The following CPXM2 variants were observed in gnomAD, a reference collection of about 807,000 sequenced individuals.
CPXM2 encodes inactive carboxypeptidase-like protein X2.
Under a neutral mutation model 86.1 loss-of-function variants are expected in CPXM2, and 66 were observed. The ratio of observed to expected loss-of-function variants is 0.77; its 90% confidence interval spans 0.63 to 0.94. The LOEUF is 0.94. Ranked by LOEUF, CPXM2 falls within the 40% of genes least tolerant of loss-of-function variation. The pLI, the probability that CPXM2 is intolerant of heterozygous loss-of-function variation, is 0.00. For synonymous variants in CPXM2, 388 were observed against 400.2 expected (o/e 0.97, Z 0.36); for missense variants, 948 against 1,026.3 (o/e 0.92, Z 1.04).
chr10:123,866,442 G>A (rs1848982954), intron 2 of CPXM2, among the ~76,000 whole-genome samples: 1 of 152,106 alleles, frequency 6.6e-6, no homozygotes, highest in Non-Finnish European at 1.5e-5. Flanking sequence ...GGTACACGCT[G>A]TAATCCCAGC....
At chr10:123,934,876 T>TC (rs1945700739) in intron 2 of CPXM2, among the ~76,000 whole-genome samples, 1 of 152,082 alleles carries the variant, frequency 6.6e-6, no homozygotes, top group African/African-American at 2.4e-5. Flanking sequence ...CGTTTCAAGT[T>TC]CCCCTTGATA....
chr10:123,811,842 C>T (rs1285069877), intron 4 of CPXM2, among the ~76,000 whole-genome samples: 1 of 152,130 alleles, frequency 6.6e-6, no homozygotes, highest in Non-Finnish European at 1.5e-5. Flanking sequence ...AAGTTCAACC[C>T]TGTTAGTGGT....
chr10:123,791,834 T>C (rs1252899220), intron 6 of CPXM2, among the ~76,000 whole-genome samples: 2 of 152,220 alleles, frequency 1.3e-5, no homozygotes, highest in African/African-American at 4.8e-5. Context: ...CTATTCAGCC[T>C]GGTGCAGTCA....
At chr10:123,895,523 G>T (rs1945330496), upstream of CPXM2, among the ~76,000 whole-genome samples, 1 of 152,194 alleles carries the variant, frequency 6.6e-6, no homozygotes, top group African/African-American at 2.4e-5. Flanking sequence ...CAGAATATAA[G>T]AAACACAGAA....
chr10:123,757,851 A>C (rs978649355), intron 11 of CPXM2, among the ~76,000 whole-genome samples: 19 of 152,022 alleles, frequency 1.2e-4, no homozygotes, highest in Non-Finnish European at 1.9e-4. Flanking sequence ...TGTCCTAAGC[A>C]CTCTGCAGCC....
intron 2 of CPXM2, chr10:123,913,840 G>C: frequency 2.8e-6 from 1 of 361,394 alleles, no homozygotes. Context: ...AACCGGATCT[G>C]TGGCATACTT....
At chr10:123,812,415 CA>C (rs1847713035) in intron 4 of CPXM2, among the ~76,000 whole-genome samples, 1 of 151,974 alleles carries the variant, frequency 6.6e-6, no homozygotes, top group South Asian at 2.1e-4. Flanking sequence ...ACATATGTGA[CA>C]AGAGTAGTTT....
intron 1 of CPXM2, among the ~76,000 whole-genome samples, chr10:123,886,065 T>C (rs1365702349): frequency 6.6e-6 from 1 of 152,228 alleles, no homozygotes; most frequent in African/African-American, 2.4e-5. Flanking sequence ...ATGGAGGTGG[T>C]GTCTTAGAAA....
chr10:123,767,421 C>T (rs1846504769), intron 9 of CPXM2, among the ~76,000 whole-genome samples: 1 of 152,190 alleles, frequency 6.6e-6, no homozygotes, highest in Admixed American at 6.5e-5. Context: ...GCATTAGGTT[C>T]CTTCTTCCAC....
intron 2 of CPXM2, among the ~76,000 whole-genome samples, chr10:123,910,356 A>G (rs994280354): frequency 1.3e-5 from 2 of 152,124 alleles, no homozygotes; most frequent in African/African-American, 4.8e-5. Flanking sequence ...TCAATGGCCA[A>G]GATCATGACC....
rs1458667738 is a variant in CPXM2, at chr10:123,798,123, A to C, written c.742T>G (p.Phe248Val). The change falls in exon 6 of 14, where the codon TTT becomes GTT. Residue 248 changes from phenylalanine to valine, a missense_variant. Transcript: ENST00000241305. The stretch of plus-strand genomic sequence containing the variant: ...ATCTCCTTCTCACTGTTTCCCTCAA[A>C]TATCTATTTATGCTCATGGGAGAAA... ...TVKNGSGDMIFEGNSEKEIPV... is the reference protein window; with the variant it reads ...TVKNGSGDMIVEGNSEKEIPV... The C allele has an allele frequency of 6.2e-7, 1 of 1,601,444 alleles. No homozygotes were observed. Among genetic ancestry groups the C allele is most frequent in the East Asian group, 2.3e-5 (1 of 44,214 alleles).
At chr10:123,756,206 A>G (rs977300064) in intron 12 of CPXM2, among the ~76,000 whole-genome samples, 2 of 152,202 alleles carry the variant, frequency 1.3e-5, no homozygotes, top group Non-Finnish European at 2.9e-5. Flanking sequence ...TTACTTCCTA[A>G]TGGATGGAGG....
intron 4 of CPXM2, among the ~76,000 whole-genome samples, chr10:123,811,377 C>G (rs1479440479): frequency 6.6e-6 from 1 of 152,066 alleles, no homozygotes; most frequent in Non-Finnish European, 1.5e-5. Context: ...CAATTCCCAC[C>G]TATGAGTGAG....
At chr10:123,770,793 A>G (rs1846608852) in intron 8 of CPXM2, 123 bp downstream of exon 8, 2 of 1,011,790 alleles carry the variant, frequency 2.0e-6, no homozygotes, top group South Asian at 3.3e-5. Flanking sequence ...TACGTGAGAC[A>G]GCAGTGGTGT....
chr10:123,746,580 CAAAGA>C lies in CPXM2; in HGVS notation c.*179_*183del, dbSNP rs1392296452. ...TCCAAGTTATTTGGATAAATGGGAACAAAGAAAAGAAAACAGCCTCAGCCTCCAGC... is the reference window on the plus strand; with the variant it reads ...TCCAAGTTATTTGGATAAATGGGAACAAAGAAAACAGCCTCAGCCTCCAGC... On this transcript the variant is annotated 3_prime_UTR_variant, in exon 14 of 14. Transcript: ENST00000241305. The C allele has an allele frequency of 4.7e-6, 3 of 632,670 alleles. No individual in the cohort carries two copies. The highest frequency in any genetic ancestry group is 8.2e-6 in the Non-Finnish European group (3 of 367,212). The allele number at this position is 632,670 out of a possible 1,614,324, so 39.2% of individuals were successfully genotyped here.
At chr10:123,788,018 G>A (rs963831487) in intron 6 of CPXM2, among the ~76,000 whole-genome samples, 3 of 151,976 alleles carry the variant, frequency 2.0e-5, no homozygotes, top group Non-Finnish European at 1.5e-5. Flanking sequence ...GGTGGCTCAT[G>A]CCTGTAATCC....
chr10:123,769,217 A>G (rs1000533501), intron 8 of CPXM2, among the ~76,000 whole-genome samples: 12 of 152,196 alleles, frequency 7.9e-5, no homozygotes, highest in Non-Finnish European at 1.8e-4. Context: ...AGCTTTTAAA[A>G]TCTCAGGGTG....
Position 123,746,777 on chromosome 10 carries a change from C to T in CPXM2, c.2258G>A (p.Arg753Gln), listed in dbSNP as rs749626733. The change falls in exon 14 of 14, where the codon CGA (arginine) becomes CAA (glutamine). Residue 753 changes from arginine (R) to glutamine (Q), a missense_variant. By Grantham distance (43) the Arg-to-Gln change is conservative (BLOSUM62 1). Transcript: ENST00000241305. Reference protein sequence around the residue: ...RRLKLRGQKRRQRG With the variant: ...RRLKLRGQKRQQRG ...GGCCCAGGAGGGTCACCCACGCTGT[C>T]GTCTCTTCTGCCCCCGCAGCTTCAG... 5.0e-6 allele frequency: 8 copies of T among 1,614,136 alleles called. No homozygotes were observed. The highest frequency in any genetic ancestry group is 3.3e-5 in the South Asian group (3 of 91,072).
At chr10:123,810,368 C>T (rs750286484) in intron 4 of CPXM2, among the ~76,000 whole-genome samples, 3 of 151,834 alleles carry the variant, frequency 2.0e-5, no homozygotes, top group African/African-American at 7.2e-5. Flanking sequence ...CAAAAATATA[C>T]AAGATTTTAA....
Sources: allele counts gnomAD v4.1 joint callset (sites outside exome capture counted in the v4.1 genomes callset), GRCh38; gene constraint gnomAD v4.1.1; transcripts MANE v1.5; gene names NCBI Gene and HGNC (gene_info 2026-07-23, HGNC 2026-07-21).